The following TDRD5 variants were observed in gnomAD, a reference collection of about 807,000 sequenced individuals.
The protein encoded by TDRD5 is tudor domain-containing protein 5.
A neutral mutation model predicts 120.6 loss-of-function variants in TDRD5; 41 were observed. That is an observed-to-expected ratio of 0.34 (90% CI 0.26 to 0.44). The LOEUF (loss-of-function observed/expected upper bound fraction) is 0.44. Among genes scored for constraint, TDRD5 ranks in the 20% least tolerant of loss-of-function variants. The probability of loss-of-function intolerance (pLI) is 1.00; values close to 1 mark genes in which losing one functional copy is unlikely to be tolerated. For missense variants in TDRD5, 1,006 were observed against 1,221.2 expected (o/e 0.82, Z 2.63); for synonymous variants, 430 against 433.7 (o/e 0.99, Z 0.11).
chr1:179,640,466 T>C (rs1258830701), intron 11 of TDRD5, 21 bp downstream of exon 11: 1 of 1,612,046 alleles, frequency 6.2e-7, no homozygotes, highest in African/African-American at 1.3e-5. Context: ...TTGTCTCCCA[T>C]TTAATCAGCA....
At chr1:179,624,557 T>C (rs1399286356) in intron 6 of TDRD5, among the ~76,000 whole-genome samples, 1 of 152,204 alleles carries the variant, frequency 6.6e-6, no homozygotes, top group Non-Finnish European at 1.5e-5. Context: ...AACTAACTTA[T>C]TAGGTCAAAA....
chr1:179,685,161 GT>G (rs1487170867), intron 17 of TDRD5, among the ~76,000 whole-genome samples: 1 of 152,136 alleles, frequency 6.6e-6, no homozygotes, highest in Non-Finnish European at 1.5e-5. Context: ...TTCTTCTAGG[GT>G]TTTTATGGTT....
intron 4 of TDRD5, among the ~76,000 whole-genome samples, chr1:179,602,454 G>A (rs1369711233): frequency 2.0e-5 from 3 of 152,054 alleles, no homozygotes. Flanking sequence ...CCTTGCCTAA[G>A]CCAATGTCTA....
intron 17 of TDRD5, among the ~76,000 whole-genome samples, chr1:179,673,111 TG>T (rs1459234627): frequency 2.0e-5 from 3 of 152,166 alleles, no homozygotes; most frequent in Non-Finnish European, 2.9e-5. Flanking sequence ...ATTTTAAGAT[TG>T]TTTTTTCTAG....
intron 14 of TDRD5, among the ~76,000 whole-genome samples, chr1:179,661,317 G>T (rs1321121287): frequency 1.3e-5 from 2 of 151,304 alleles, no homozygotes; most frequent in African/African-American, 2.4e-5. Context: ...TGACACAAAT[G>T]TTATATCTTT....
At chr1:179,684,246 G>A (rs1440434527) in intron 17 of TDRD5, among the ~76,000 whole-genome samples, 1 of 152,048 alleles carries the variant, frequency 6.6e-6, no homozygotes, top group Non-Finnish European at 1.5e-5. Context: ...CCCATCCTGT[G>A]TCCAAATGTT....
intron 2 of TDRD5, 66 bp from the exon 3 acceptor site, chr1:179,593,393 AG>A: frequency 6.6e-7 from 1 of 1,504,258 alleles, no homozygotes; most frequent in Non-Finnish European, 9.0e-7. Flanking sequence ...GTATAAACAC[AG>A]ATACTAAGGA....
intron 4 of TDRD5, among the ~76,000 whole-genome samples, chr1:179,617,661 G>A (rs908988884): frequency 1.3e-5 from 2 of 151,310 alleles, no homozygotes; most frequent in African/African-American, 2.4e-5. Context: ...CTTTAATGTC[G>A]ATTGAACAAA....
chr1:179,635,911 T>C (rs1677742635), intron 9 of TDRD5, 24 bp downstream of exon 9: 1 of 1,600,498 alleles, frequency 6.2e-7, no homozygotes, highest in African/African-American at 1.3e-5. Flanking sequence ...GTTTTCAATG[T>C]GTTTTTCACA....
chr1:179,611,117 G>A (rs1676253494), intron 4 of TDRD5, among the ~76,000 whole-genome samples: 1 of 151,724 alleles, frequency 6.6e-6, no homozygotes, highest in South Asian at 2.1e-4. Context: ...GAATGCAGTG[G>A]TGTGATCTCA....
intron 9 of TDRD5, among the ~76,000 whole-genome samples, chr1:179,637,854 G>T (rs960512334): frequency 6.6e-6 from 1 of 152,206 alleles, no homozygotes; most frequent in Non-Finnish European, 1.5e-5. Context: ...AGATACATGG[G>T]ATATTATAAA....
intron 11 of TDRD5, among the ~76,000 whole-genome samples, chr1:179,648,331 G>A (rs1195735072): frequency 6.9e-6 from 1 of 144,180 alleles, no homozygotes; most frequent in Non-Finnish European, 1.5e-5. Context: ...ATCATTCTCA[G>A]TAAACTATCG....
rs547178982 is a variant in TDRD5, at chr1:179,621,169, C to T, written c.972+78C>T. 12 of 1,305,722 alleles carry T rather than the reference C, an allele frequency of 9.2e-6. No homozygotes were observed. The African/African-American group carries it at 1.2e-4, about 13-fold the overall frequency. The allele number at this position is 1,305,722 out of a possible 1,614,324, so 80.9% of individuals were successfully genotyped here. A position where few individuals can be genotyped will look rare whatever the true frequency, so the allele number is the denominator to read the frequency against. On this transcript the variant is annotated intron_variant, in intron 6 of 17. Coordinates refer to ENST00000444136, the MANE Select transcript of TDRD5 (RefSeq NM_001199085.3). ...TGATAGATGGAATTTTGTGGCTACTCCTTGGATTCTCCAGGTCTATGCTCT... is the reference window on the plus strand; with the variant it reads ...TGATAGATGGAATTTTGTGGCTACTTCTTGGATTCTCCAGGTCTATGCTCT...
intron 11 of TDRD5, among the ~76,000 whole-genome samples, chr1:179,648,585 A>G (rs976216593): frequency 6.6e-5 from 10 of 150,646 alleles, no homozygotes; most frequent in African/African-American, 2.4e-4. Context: ...CCTAAAACTT[A>G]AAGTATAATA....
chr1:179,645,089 T>C (rs796803907), intron 11 of TDRD5, among the ~76,000 whole-genome samples: 944 of 70,722 alleles, frequency 0.013, 11 homozygotes, highest in Non-Finnish European at 0.018. Flanking sequence ...TTTTTTTTTT[T>C]TTTTTTTTTT....
At chr1:179,658,633 C>T (rs1273709173) in intron 14 of TDRD5, among the ~76,000 whole-genome samples, 1 of 152,092 alleles carries the variant, frequency 6.6e-6, no homozygotes, top group Non-Finnish European at 1.5e-5. Context: ...TGATAATCTC[C>T]TATTACATTT....
intron 4 of TDRD5, among the ~76,000 whole-genome samples, chr1:179,602,095 C>T (rs780093510): frequency 3.0e-4 from 46 of 152,202 alleles, no homozygotes; most frequent in African/African-American, 6.5e-4. Flanking sequence ...CATAAGCCAC[C>T]GTACCTGGCC....
chr1:179,594,825 C>T (rs1229665493), intron 3 of TDRD5, among the ~76,000 whole-genome samples: 1 of 152,196 alleles, frequency 6.6e-6, no homozygotes, highest in Non-Finnish European at 1.5e-5. Context: ...CTAAGTGTTT[C>T]AAGTCTAGCC....
intron 16 of TDRD5, among the ~76,000 whole-genome samples, chr1:179,664,736 T>C (rs1387137844): frequency 6.6e-6 from 1 of 152,186 alleles, no homozygotes; most frequent in African/African-American, 2.4e-5. Context: ...CTTTCACATT[T>C]TGGCTATTAT....
Sources: gnomAD v4.1 joint callset for allele counts (sites outside exome capture counted in the v4.1 genomes callset) on GRCh38, gnomAD v4.1.1 for gene constraint, MANE v1.5 for transcripts, NCBI Gene and HGNC (gene_info 2026-07-23, HGNC 2026-07-21) for gene names.